ACAA1: variants seen among roughly 807,000 people sequenced by gnomAD.
The protein encoded by ACAA1 is 3-ketoacyl-CoA thiolase, peroxisomal.
ACAA1 carries 44 observed loss-of-function variants against 48.8 expected under a neutral mutation model. The observed-to-expected ratio is 0.90, with a 90% CI of 0.71 to 1.16. ACAA1 has a LOEUF of 1.16. Among genes scored for constraint, ACAA1 ranks in the 50% most tolerant of loss-of-function variants. ACAA1 has a pLI of 0.00. For missense variants in ACAA1, 512 were observed against 562.3 expected (o/e 0.91, Z 0.90); for synonymous variants, 233 against 226.5 (o/e 1.03, Z -0.26).
chr3:38,129,259 C>A lies in ACAA1; in HGVS notation c.545+31G>T. 1 of 1,594,456 alleles carries A rather than the reference C, an allele frequency of 6.3e-7. No homozygotes were observed. Among genetic ancestry groups the A allele is most frequent in the Non-Finnish European group, 8.6e-7 (1 of 1,163,314 alleles). On this transcript the variant is annotated intron_variant, in intron 6 of 11. Transcript: ENST00000333167. The surrounding 1 kb of genome is among the most constrained non-coding windows in gnomAD (Gnocchi z 5.3). Reference sequence around the variant, plus strand: ...GGCTCCCTGCCCCAGGCAGAGAGGGCACAAGCACACAGAGCTATGGGAGCA... The same window carrying A: ...GGCTCCCTGCCCCAGGCAGAGAGGGAACAAGCACACAGAGCTATGGGAGCA...
intron 6 of ACAA1, among the ~76,000 whole-genome samples, chr3:38,128,979 T>C (rs1257934033): frequency 6.6e-6 from 1 of 152,168 alleles, no homozygotes; most frequent in African/African-American, 2.4e-5. Flanking sequence ...CACTGCCTTC[T>C]CAACTTTCTA....
chr3:38,136,732 AC>A (rs1370797842), intron 1 of ACAA1, 47 bp from the exon 2 acceptor site: 5 of 1,540,842 alleles, frequency 3.2e-6, no homozygotes, highest in Admixed American at 4.0e-5. Context: ...CCCCATGCCC[AC>A]CCCAGGGAGA....
chr3:38,132,086 T>C (rs1700802066), intron 3 of ACAA1, 81 bp from the exon 4 acceptor site: 2 of 1,298,176 alleles, frequency 1.5e-6, no homozygotes, highest in South Asian at 1.2e-5. Flanking sequence ...TGCTTCTAAC[T>C]GCCCCCCTCA....
intron 6 of ACAA1, among the ~76,000 whole-genome samples, chr3:38,128,489 T>C (rs892086195): frequency 1.3e-5 from 2 of 152,156 alleles, no homozygotes; most frequent in African/African-American, 4.8e-5. Context: ...CAAGCCTCAG[T>C]CTCCTCATAT....
At chr3:38,132,747 G>A (rs1014202957) in intron 3 of ACAA1, among the ~76,000 whole-genome samples, 2 of 152,176 alleles carry the variant, frequency 1.3e-5, no homozygotes, top group African/African-American at 2.4e-5. Context: ...ATTCTGGTGT[G>A]TAGCCAGAGT....
intron 4 of ACAA1, 142 bp from the exon 5 acceptor site, chr3:38,131,780 T>C: frequency 8.0e-7 from 1 of 1,243,882 alleles, no homozygotes; most frequent in Non-Finnish European, 1.2e-6. Context: ...CAGAAAAGGC[T>C]TTGGGCAGTG....
rs745534014 is a variant in ACAA1 at position 38,129,353 on chromosome 3, G to A, written c.482C>T (p.Pro161Leu). 1.2e-6 allele frequency: 2 copies of A among 1,614,134 alleles called. No homozygotes were observed. Among genetic ancestry groups the A allele is most frequent in the African/African-American group, 1.3e-5 (1 of 75,030 alleles). ...CATCAAGCGCGAAGTAATATTTCCAGGGTTCCCTCTGTCAGCCAGGGACAT... is the reference window on the plus strand; with the variant it reads ...CATCAAGCGCGAAGTAATATTTCCAAGGTTCCCTCTGTCAGCCAGGGACAT... ...ESMSLADRGN[P>L]GNITSRLMEK... is the part of the protein sequence containing the mutation. Residue 161 changes from proline (P) to leucine (L), a missense_variant, in exon 6 of 12, where the codon CCT becomes CTT. By Grantham distance (98) the Pro-to-Leu change is moderately conservative. Coordinates refer to ENST00000333167, the MANE Select transcript of ACAA1 (RefSeq NM_001607.4). The surrounding 1 kb of genome is among the most constrained non-coding windows in gnomAD (Gnocchi z 5.3).
chr3:38,122,716 A>C lies in ACAA1; in HGVS notation c.*331T>G. On this transcript the variant is annotated 3_prime_UTR_variant, in exon 12 of 12. Transcript: ENST00000333167. ...GGAAAAAAACCACAGCCACTAAGAT[A>C]AATTCATGCACTTTTACTATGCCCA... 1 of 1,370,924 alleles carries C rather than the reference A, an allele frequency of 7.3e-7. No homozygotes were observed. 84.9% of individuals were successfully genotyped at this position (1,370,924 alleles called of 1,614,324 possible). A position where few individuals can be genotyped will look rare whatever the true frequency, so the allele number is the denominator to read the frequency against.
Position 38,126,667 on chromosome 3 carries a change from T to C in ACAA1, c.660A>G (p.Gln220=), listed in dbSNP as rs992938366. The C allele has an allele frequency of 6.2e-7, 1 of 1,613,940 alleles. No homozygotes were observed. The highest frequency in any genetic ancestry group is 1.7e-5 in the Admixed American group (1 of 59,986). ...TGGTGGTCACAGGCACAATCTCAGC[T>C]TGGAAACAGCCCTTGCTCTGGGCTC... The part of the protein sequence containing the change: ...AARAQSKGCF[Q]AEIVPVTTTV... The change falls in exon 8 of 12, where the codon CAA becomes CAG. Residue 220 remains glutamine (Q), a synonymous_variant. Transcript: ENST00000333167. The surrounding 1 kb of genome is among the most constrained non-coding windows in gnomAD (Gnocchi z 4.7).
chr3:38,134,359 AC>A, intron 2 of ACAA1: 2 of 409,594 alleles, frequency 4.9e-6, no homozygotes, highest in South Asian at 4.4e-5. Context: ...CCCTGCTGTC[AC>A]CCCAGAGAGG....
intron 11 of ACAA1, chr3:38,125,185 C>T (rs1700649607): frequency 5.9e-6 from 1 of 168,998 alleles, no homozygotes; most frequent in Non-Finnish European, 1.3e-5. Flanking sequence ...TGCACTAATC[C>T]CTTCCCTAGA....
In ACAA1 at chr3:38,131,639, C is replaced by G. The variant is rs1401026904; in HGVS notation, c.404-1G>C. ...TCATAAGACCCATTTCTGATGCCACCTGTAACAAAAGCATTTCATAAACAT... is the reference window on the plus strand; with the variant it reads ...TCATAAGACCCATTTCTGATGCCACGTGTAACAAAAGCATTTCATAAACAT... On this transcript the variant is annotated splice_acceptor_variant, in intron 4 of 11. Coordinates refer to ENST00000333167, the MANE Select transcript of ACAA1 (RefSeq NM_001607.4). LOFTEE classifies it high-confidence loss of function. 6.2e-7 allele frequency: 1 copy of G among 1,614,198 alleles called. No homozygotes were observed. Among genetic ancestry groups the G allele is most frequent in the Admixed American group, 1.7e-5 (1 of 60,026 alleles).
In ACAA1 at chr3:38,131,986, G is replaced by A; in HGVS notation, c.343C>T (p.Pro115Ser). ...CACTGTCTATTGACAGTGGACAAAG[G>A]CACAGTCTCCGGGATGTCACTGAAA... ...QFLSDIPETV[P>S]LSTVNRQCSS... Residue 115 changes from proline (P) to serine (S), a missense_variant, in exon 4 of 12, where the codon CCT (proline) becomes TCT (serine). Coordinates refer to ENST00000333167, the MANE Select transcript of ACAA1 (RefSeq NM_001607.4). 6.2e-7 allele frequency: 1 copy of A among 1,613,768 alleles called. No individual in the cohort carries two copies.
At chr3:38,128,520 C>T (rs1465347379) in intron 6 of ACAA1, among the ~76,000 whole-genome samples, 1 of 152,254 alleles carries the variant, frequency 6.6e-6, no homozygotes, top group African/African-American at 2.4e-5. Context: ...TCCAGGACTC[C>T]TGGCCCAAAG....
In ACAA1 at chr3:38,122,906, A is replaced by G; in HGVS notation, c.*141T>C. ...TGTCATCAGTGTTCACATTTTCCAA[A>G]TGAGTTGAAGTGCCTTGATCTGTCC... On this transcript the variant is annotated 3_prime_UTR_variant, in exon 12 of 12. Coordinates refer to ENST00000333167, the MANE Select transcript of ACAA1 (RefSeq NM_001607.4). 2.2e-6 allele frequency: 2 copies of G among 893,134 alleles called. No individual in the cohort carries two copies. The highest frequency in any genetic ancestry group is 1.7e-6 in the Non-Finnish European group (1 of 580,926). The allele number at this position is 893,134 out of a possible 1,614,324, so 55.3% of individuals were successfully genotyped here. A position where few individuals can be genotyped will look rare whatever the true frequency, so the allele number is the denominator to read the frequency against.
chr3:38,131,485 G>T, intron 5 of ACAA1, 111 bp downstream of exon 5: 1 of 1,175,898 alleles, frequency 8.5e-7, no homozygotes, highest in Non-Finnish European at 1.3e-6. Flanking sequence ...GTGGCCAGCT[G>T]CCTAAAGGGG....
In ACAA1 at chr3:38,122,883, T is replaced by A. The variant is rs5875; in HGVS notation, c.*164A>T. The A allele has an allele frequency of 0.12, 90,859 of 786,758 alleles. 5,865 individuals are homozygous for A. The highest frequency in any genetic ancestry group is 0.23 in the Middle Eastern group (606 of 2,670). The allele number at this position is 786,758 out of a possible 1,614,324, so 48.7% of individuals were successfully genotyped here. Reference sequence around the variant, plus strand: ...ACACCCCACCCACTCCTATACCATGTCATCAGTGTTCACATTTTCCAAATG... The same window carrying A: ...ACACCCCACCCACTCCTATACCATGACATCAGTGTTCACATTTTCCAAATG... On this transcript the variant is annotated 3_prime_UTR_variant, in exon 12 of 12. Transcript: ENST00000333167.
At chr3:38,124,046 T>G (rs954310720) in intron 11 of ACAA1, 1 of 151,268 alleles carries the variant, frequency 6.6e-6, no homozygotes, top group Admixed American at 6.6e-5. Context: ...TAAAAGGGGA[T>G]TTATTTGAGA....
chr3:38,133,291 G>T (rs987542945), intron 3 of ACAA1, among the ~76,000 whole-genome samples: 4 of 152,114 alleles, frequency 2.6e-5, no homozygotes, highest in African/African-American at 9.7e-5. Flanking sequence ...TAGGAGATGA[G>T]GCTGGAAGGT....
Sources: allele counts gnomAD v4.1 joint callset (sites outside exome capture counted in the v4.1 genomes callset), GRCh38; gene constraint gnomAD v4.1.1; non-coding constraint Gnocchi (gnomAD v3.1); transcripts MANE v1.5; gene names NCBI Gene and HGNC (gene_info 2026-07-23, HGNC 2026-07-21).